EDNRA: variants seen among roughly 807,000 people sequenced by gnomAD.
The protein encoded by EDNRA is endothelin-1 receptor.
A neutral mutation model predicts 41.4 loss-of-function variants in EDNRA; 11 were observed. The observed-to-expected ratio is 0.27, with a 90% CI of 0.17 to 0.44. EDNRA has a LOEUF of 0.44. EDNRA is among the 20% of genes least tolerant of loss of function. The pLI is 1.00. For synonymous variants in EDNRA, 172 were observed against 183.0 expected, an observed-to-expected ratio of 0.94 and a Z score of 0.49; for missense variants, 294 against 531.0, an observed-to-expected ratio of 0.55 and a Z score of 4.39.
At chr4:147,510,372 A>G (rs1468957773) in intron 2 of EDNRA, among the ~76,000 whole-genome samples, 5 of 152,208 alleles carry the variant, frequency 3.3e-5, no homozygotes, top group Non-Finnish European at 1.5e-5. Flanking sequence ...GATACAACAT[A>G]TATCAAACTT....
chr4:147,528,988 T>G (rs533495460), intron 3 of EDNRA, among the ~76,000 whole-genome samples: 40 of 152,182 alleles, frequency 2.6e-4, no homozygotes, highest in Non-Finnish European at 5.1e-4. Flanking sequence ...AGTTGCTATG[T>G]TCAGACGAGG....
At chr4:147,508,534 A>G (rs1380276947) in intron 2 of EDNRA, among the ~76,000 whole-genome samples, 1 of 152,194 alleles carries the variant, frequency 6.6e-6, no homozygotes, top group Non-Finnish European at 1.5e-5. Context: ...ATTTTTGCCT[A>G]ACCCAAGATC....
intron 4 of EDNRA, among the ~76,000 whole-genome samples, chr4:147,533,619 C>G (rs913995864): frequency 6.6e-6 from 1 of 152,114 alleles, no homozygotes; most frequent in Non-Finnish European, 1.5e-5. Context: ...TAAAAGTGCT[C>G]ATGAAAACTG....
At chr4:147,513,784 C>A (rs1186046675) in intron 2 of EDNRA, among the ~76,000 whole-genome samples, 3 of 152,190 alleles carry the variant, frequency 2.0e-5, no homozygotes, top group Non-Finnish European at 2.9e-5. Context: ...TCCCTCATTC[C>A]TGTCTAGGAC....
intron 2 of EDNRA, among the ~76,000 whole-genome samples, chr4:147,512,465 A>C (rs1484219275): frequency 1.3e-5 from 2 of 152,232 alleles, no homozygotes; most frequent in Non-Finnish European, 2.9e-5. Flanking sequence ...TTCAGTAGTG[A>C]AAGATGTGGT....
chr4:147,485,201 A>C (rs187976616), intron 1 of EDNRA, among the ~76,000 whole-genome samples: 1 of 152,254 alleles, frequency 6.6e-6, no homozygotes, highest in Non-Finnish European at 1.5e-5. Context: ...AAAAACTGAC[A>C]TAGCCTCATC....
intron 4 of EDNRA, among the ~76,000 whole-genome samples, chr4:147,532,914 A>G (rs1730797854): frequency 6.6e-6 from 1 of 152,106 alleles, no homozygotes; most frequent in Admixed American, 6.6e-5. Flanking sequence ...TTATACCACA[A>G]TGGTAGACAT....
At chr4:147,485,351 CAG>C (rs1345771867) in intron 1 of EDNRA, among the ~76,000 whole-genome samples, 1 of 152,028 alleles carries the variant, frequency 6.6e-6, no homozygotes, top group Non-Finnish European at 1.5e-5. Context: ...GAAATGGAGA[CAG>C]AGACAGAGAC....
At chr4:147,537,944 T>C (rs908919326) in intron 5 of EDNRA, among the ~76,000 whole-genome samples, 1 of 152,208 alleles carries the variant, frequency 6.6e-6, no homozygotes, top group African/African-American at 2.4e-5. Context: ...CCATCTTGAC[T>C]AATACTCTGT....
Position 147,542,659 on chromosome 4 carries a change from C to G in EDNRA, c.*41C>G. 6.3e-7 allele frequency: 1 copy of G among 1,590,570 alleles called. No individual in the cohort carries two copies. The highest frequency in any genetic ancestry group is 8.6e-7 in the Non-Finnish European group (1 of 1,167,474). On this transcript the variant is annotated 3_prime_UTR_variant, in exon 8 of 8. Transcript: ENST00000651419. ...CTCCTCGGTACTCCCATAATCCTCTCGGAGAAAAAAATCACAAGGCAACTG... is the reference window on the plus strand; with the variant it reads ...CTCCTCGGTACTCCCATAATCCTCTGGGAGAAAAAAATCACAAGGCAACTG...
intron 2 of EDNRA, among the ~76,000 whole-genome samples, chr4:147,502,580 A>G (rs1478775420): frequency 3.3e-5 from 5 of 151,922 alleles, no homozygotes; most frequent in Non-Finnish European, 7.4e-5. Context: ...TACAGTTTTG[A>G]AAACTAATTT....
chr4:147,492,482 G>A (rs1316805604), intron 2 of EDNRA: 1 of 152,164 alleles, frequency 6.6e-6, no homozygotes, highest in African/African-American at 2.4e-5. Context: ...GCACATAACA[G>A]CAAGATGATT....
In EDNRA at chr4:147,542,473, C is replaced by G. The variant is rs201733316; in HGVS notation, c.1144-5C>G. ...GCCTTACTTCGAGTCTGTTCCTTCCCCCAGTCATGCCTCTGCTGCTGCTGT... is the reference window on the plus strand; with the variant it reads ...GCCTTACTTCGAGTCTGTTCCTTCCGCCAGTCATGCCTCTGCTGCTGCTGT... On this transcript the variant is annotated splice_region_variant and splice_polypyrimidine_tract_variant and intron_variant, in intron 7 of 7. Transcript: ENST00000651419. 4 of 1,613,976 alleles carry G rather than the reference C, an allele frequency of 2.5e-6. No individual in the cohort carries two copies. Among genetic ancestry groups the G allele is most frequent in the Non-Finnish European group, 2.5e-6 (3 of 1,179,996 alleles).
intron 2 of EDNRA, among the ~76,000 whole-genome samples, chr4:147,503,438 G>A (rs565953721): frequency 1.4e-4 from 22 of 152,212 alleles, no homozygotes; most frequent in African/African-American, 5.3e-4. Context: ...GAAAGAGCAG[G>A]AAAAGATCCT....
chr4:147,535,912 G>A lies in EDNRA; in HGVS notation c.783G>A (p.Gly261=). 6.2e-7 allele frequency: 1 copy of A among 1,613,474 alleles called. No individual in the cohort carries two copies. The highest frequency in any genetic ancestry group is 8.5e-7 in the Non-Finnish European group (1 of 1,179,776). Residue 261 remains glycine, a synonymous_variant, in exon 5 of 8, where the codon GGG becomes GGA. Coordinates refer to ENST00000651419, the MANE Select transcript of EDNRA (RefSeq NM_001957.4). The stretch of plus-strand genomic sequence containing the variant: ...ATGTAAAGGACTGGTGGCTCTTCGG[G>A]TTCTATTTCTGTATGCCCTTGGTGT... The part of the protein sequence containing the change: ...YQDVKDWWLF[G]FYFCMPLVCT...
At chr4:147,506,091 G>T (rs1419167996) in intron 2 of EDNRA, 11 of 518,544 alleles carry the variant, frequency 2.1e-5, no homozygotes, top group Admixed American at 4.0e-5. Context: ...ATCCTGGCAG[G>T]TTCCTGAATA....
chr4:147,528,086 A>G (rs1465291668), intron 3 of EDNRA, among the ~76,000 whole-genome samples: 1 of 152,224 alleles, frequency 6.6e-6, no homozygotes, highest in Non-Finnish European at 1.5e-5. Context: ...AAGGTAAGGT[A>G]AGGTTACACA....
Position 147,544,719 on chromosome 4 carries a change from T to C in EDNRA, c.*2101T>C, listed in dbSNP as rs1228127423. 2 of 152,600 alleles carry C rather than the reference T, an allele frequency of 1.3e-5. No homozygotes were observed. The highest frequency in any genetic ancestry group is 4.8e-5 in the African/African-American group (2 of 41,466). The allele number at this position is 152,600 out of a possible 1,614,324, so 9.5% of individuals were successfully genotyped here. On this transcript the variant is annotated 3_prime_UTR_variant, in exon 8 of 8. Transcript: ENST00000651419. ...TGTCTTTTTTTCAAGATGCTTTGTT[T>C]CTTTCATATGAAAAAAATGCATTTT...
intron 1 of EDNRA, among the ~76,000 whole-genome samples, chr4:147,484,031 T>C (rs1728863011): frequency 6.6e-6 from 1 of 152,222 alleles, no homozygotes; most frequent in Non-Finnish European, 1.5e-5. Context: ...AGGACTCAAT[T>C]TTTTTAAGAT....
Sources: allele counts gnomAD v4.1 joint callset (sites outside exome capture counted in the v4.1 genomes callset), GRCh38; gene constraint gnomAD v4.1.1; transcripts MANE v1.5; gene names NCBI Gene and HGNC (gene_info 2026-07-23, HGNC 2026-07-21).